The following UPRT variants were observed in gnomAD, a reference collection of about 807,000 sequenced individuals.
The protein encoded by UPRT is RP11-311P8.3.
Under a neutral mutation model 22.6 loss-of-function variants are expected in UPRT, and 5 were observed. The observed-to-expected ratio is 0.22, with a 90% CI of 0.12 to 0.47. The LOEUF is 0.47. Among genes scored for constraint, UPRT ranks in the 20% least tolerant of loss-of-function variants. The pLI, the probability that UPRT is intolerant of heterozygous loss-of-function variation, is 0.99. For missense variants in UPRT, 181 were observed against 239.9 expected (o/e 0.75, Z 1.62); for synonymous variants, 77 against 87.7 (o/e 0.88, Z 0.68).
upstream of UPRT, among the ~76,000 whole-genome samples, chrX:75,270,582 C>G (rs1462046217): frequency 9.0e-6 from 1 of 111,647 alleles, no homozygotes; most frequent in African/African-American, 3.3e-5. Context: ...GCTATAAAAA[C>G]AGGATGAGTT....
chrX:75,193,388 T>G (rs1380753361), intron 4 of UPRT, among the ~76,000 whole-genome samples: 1 of 111,825 alleles, frequency 8.9e-6, no homozygotes, highest in Non-Finnish European at 1.9e-5. Context: ...TCTCTAGCTA[T>G]CTTTAACATT....
At chrX:75,232,358 G>T (rs1019304110) in intron 4 of UPRT, among the ~76,000 whole-genome samples, 1 of 112,700 alleles carries the variant, frequency 8.9e-6, no homozygotes, top group Non-Finnish European at 1.9e-5. Context: ...CAGCGAGGCT[G>T]GGGGAGGGGC....
At chrX:75,255,207 T>C (rs940520413) in intron 4 of UPRT, among the ~76,000 whole-genome samples, 1 of 111,465 alleles carries the variant, frequency 9.0e-6, no homozygotes, top group African/African-American at 3.3e-5. Flanking sequence ...TTAAGCCTCC[T>C]CAAACAAAAA....
chrX:75,187,310 G>T (rs1448512418), intron 4 of UPRT, among the ~76,000 whole-genome samples: 4 of 111,052 alleles, frequency 3.6e-5, no homozygotes, highest in Non-Finnish European at 7.5e-5. Flanking sequence ...ATGAAATTCT[G>T]GGTTGAAAAT....
chrX:75,294,686 ACCC>A lies in UPRT; in HGVS notation c.429+1173_429+1175del, dbSNP rs1406252284. The stretch of plus-strand genomic sequence containing the variant: ...ATTTGAGTTTTCATTGGCAGTAATA[ACCC>A]TTAGATAGTAACAAGATAAATGTGG... On this transcript the variant is annotated intron_variant, in intron 2 of 6. Transcript: ENST00000373383. 11 of 707,494 alleles carry A rather than the reference ACCC, an allele frequency of 1.6e-5. No homozygotes were observed. The African/African-American group carries it at 2.1e-4, about 13-fold the overall frequency. The allele number at this position is 707,494 out of a possible 1,213,427, so 58.3% of individuals were successfully genotyped here.
intron 4 of UPRT, among the ~76,000 whole-genome samples, chrX:75,176,121 T>C (rs1472604110): frequency 1.3e-4 from 14 of 111,184 alleles, no homozygotes; most frequent in Admixed American, 3.8e-4. Context: ...TTTCCCTGGG[T>C]TATGGTGGAT....
intron 4 of UPRT, among the ~76,000 whole-genome samples, chrX:75,200,727 G>A (rs1356175069): frequency 9.0e-6 from 1 of 111,258 alleles, no homozygotes; most frequent in African/African-American, 3.3e-5. Context: ...TGAGGCGGGC[G>A]GATTGCCAGA....
At chrX:75,212,983 G>GT (rs1206566366) in intron 4 of UPRT, among the ~76,000 whole-genome samples, 1 of 112,363 alleles carries the variant, frequency 8.9e-6, no homozygotes, top group Non-Finnish European at 1.9e-5. Flanking sequence ...AGTTGGCTAG[G>GT]TTTACATTTT....
chrX:75,292,311 G>T (rs1462233106), intron 1 of UPRT, among the ~76,000 whole-genome samples: 1 of 111,622 alleles, frequency 9.0e-6, no homozygotes, highest in African/African-American at 3.3e-5. Flanking sequence ...TGTTTTAAAG[G>T]GGCTCTGTGT....
chrX:75,211,053 T>A (rs907526128), intron 4 of UPRT, among the ~76,000 whole-genome samples: 3 of 109,417 alleles, frequency 2.7e-5, no homozygotes, highest in Non-Finnish European at 5.7e-5. Flanking sequence ...AGGTATTCAG[T>A]TTTAATGGAG....
At chrX:75,285,806 C>T (rs2082677283) in intron 1 of UPRT, among the ~76,000 whole-genome samples, 2 of 109,355 alleles carry the variant, frequency 1.8e-5, no homozygotes, top group Non-Finnish European at 3.8e-5. Flanking sequence ...GTGCTGTGGC[C>T]TTGATGCCTT....
intron 4 of UPRT, among the ~76,000 whole-genome samples, chrX:75,203,087 A>C (rs770177345): frequency 4.5e-5 from 5 of 111,847 alleles, no homozygotes; most frequent in Non-Finnish European, 9.4e-5. Flanking sequence ...CCTCAAAATA[A>C]AGGGATGAAG....
At chrX:75,220,779 G>A (rs750255762) in intron 4 of UPRT, among the ~76,000 whole-genome samples, 37 of 111,131 alleles carry the variant, frequency 3.3e-4, no homozygotes, top group African/African-American at 8.2e-4. Flanking sequence ...TACTGTCTAC[G>A]TCTTAAAAAG....
At chrX:75,244,409 G>T (rs1337896386) in intron 4 of UPRT, among the ~76,000 whole-genome samples, 1 of 111,727 alleles carries the variant, frequency 9.0e-6, no homozygotes, top group Non-Finnish European at 1.9e-5. Context: ...AGAAATAGAA[G>T]AAACTATTTT....
At chrX:75,188,884 G>A (rs776350658) in intron 4 of UPRT, among the ~76,000 whole-genome samples, 16 of 111,509 alleles carry the variant, frequency 1.4e-4, no homozygotes, top group Non-Finnish European at 5.7e-5. Flanking sequence ...GCTTCGGCTC[G>A]CACGCGCACC....
intron 4 of UPRT, among the ~76,000 whole-genome samples, chrX:75,193,755 T>C (rs982810759): frequency 1.8e-5 from 2 of 111,846 alleles, no homozygotes; most frequent in South Asian, 3.7e-4. Flanking sequence ...CTGTTAATAA[T>C]TGAAATTGCA....
chrX:75,210,047 A>G (rs949778737), intron 4 of UPRT, among the ~76,000 whole-genome samples: 2 of 111,721 alleles, frequency 1.8e-5, no homozygotes, highest in Non-Finnish European at 3.8e-5. Flanking sequence ...CCTTATTGGT[A>G]TTAGGGCTTA....
intron 1 of UPRT, among the ~76,000 whole-genome samples, chrX:75,158,423 A>G (rs772672631): frequency 4.5e-5 from 5 of 112,349 alleles, no homozygotes; most frequent in Non-Finnish European, 7.5e-5. Flanking sequence ...GTAACTTACA[A>G]TCCGCTTTGT....
At chrX:75,187,325 T>C (rs1225408648) in intron 4 of UPRT, among the ~76,000 whole-genome samples, 2 of 111,665 alleles carry the variant, frequency 1.8e-5, no homozygotes, top group African/African-American at 6.5e-5. Flanking sequence ...GAAAATTCTT[T>C]TCTTTAAGAA....
Sources: gnomAD v4.1 joint callset for allele counts (sites outside exome capture counted in the v4.1 genomes callset) on GRCh38, gnomAD v4.1.1 for gene constraint, MANE v1.5 for transcripts, NCBI Gene and HGNC (gene_info 2026-07-23, HGNC 2026-07-21) for gene names.